Variants in GFRA1 observed in about 807,000 individuals in gnomAD.
GFRA1 encodes GDNF family receptor alpha 1.
A neutral mutation model predicts 51.6 loss-of-function variants in GFRA1; 16 were observed. The ratio of observed to expected loss-of-function variants is 0.31; its 90% CI spans 0.21 to 0.47. The LOEUF (loss-of-function observed/expected upper bound fraction) is 0.47, where lower values mean the gene tolerates loss of function less well. Among genes scored for constraint, GFRA1 ranks in the 20% least tolerant of loss-of-function variants. The pLI is 1.00. For synonymous variants in GFRA1, 270 were observed against 241.3 expected (o/e 1.12, Z -1.10); for missense variants, 530 against 594.3 (o/e 0.89, Z 1.13).
At chr10:116,255,585 T>G in intron 4 of GFRA1, 1 of 1,288,706 alleles carries the variant, frequency 7.8e-7, no homozygotes, top group Non-Finnish European at 1.0e-6. Context: ...TAATTTTCTC[T>G]GCTGGCTGGG....
intron 4 of GFRA1, among the ~76,000 whole-genome samples, chr10:116,266,499 C>A (rs1214215269): frequency 6.6e-6 from 1 of 152,202 alleles, no homozygotes; most frequent in Non-Finnish European, 1.5e-5. Flanking sequence ...GCTTTACTAT[C>A]CCACTTAAGG....
chr10:116,147,024 T>TTGTGTG (rs55916204), intron 5 of GFRA1, among the ~76,000 whole-genome samples: 1 of 150,300 alleles, frequency 6.7e-6, no homozygotes, highest in African/African-American at 2.4e-5. Context: ...ATTTATTTAT[T>TTGTGTG]TGTGTGTGTG....
chr10:116,205,529 C>T (rs1043833628), intron 5 of GFRA1, among the ~76,000 whole-genome samples: 2 of 150,550 alleles, frequency 1.3e-5, no homozygotes, highest in African/African-American at 2.4e-5. Flanking sequence ...GAGCTGAGAA[C>T]GCACCACTGC....
rs999188804 is a variant in GFRA1 at position 116,270,943 on chromosome 10, C to T, written c.213G>A (p.Glu71=). 2.5e-6 allele frequency: 4 copies of T among 1,614,212 alleles called. No individual in the cohort carries two copies. The highest frequency in any genetic ancestry group is 3.4e-6 in the Non-Finnish European group (4 of 1,180,044). The change falls in exon 3 of 11, where the codon GAG becomes GAA. Residue 71 remains glutamate (E), a synonymous_variant. Transcript: ENST00000355422. ...TCAGGGCCTCCATGGCGCTGCGGCACTCATCCTTGGCCTCCAGGCCGGATG... is the reference window on the plus strand; with the variant it reads ...TCAGGGCCTCCATGGCGCTGCGGCATTCATCCTTGGCCTCCAGGCCGGATG... The part of the protein sequence containing the change: ...SLASGLEAKD[E]CRSAMEALKQ...
At chr10:116,112,109 T>A (rs1301465621) in intron 6 of GFRA1, among the ~76,000 whole-genome samples, 1 of 152,252 alleles carries the variant, frequency 6.6e-6, no homozygotes, top group African/African-American at 2.4e-5. Context: ...TAGCTAAACA[T>A]GTTTGAGCTT....
chr10:116,149,516 TC>T (rs533180135), intron 5 of GFRA1, among the ~76,000 whole-genome samples: 241 of 152,120 alleles, frequency 1.6e-3, no homozygotes, highest in African/African-American at 5.6e-3. Flanking sequence ...GAAGATACAT[TC>T]CCCCCTGTAG....
chr10:116,159,709 G>T (rs1959548287), intron 5 of GFRA1, among the ~76,000 whole-genome samples: 1 of 152,158 alleles, frequency 6.6e-6, no homozygotes, highest in South Asian at 2.1e-4. Flanking sequence ...AAGTGAAGTG[G>T]GAGACTGCGG....
intron 4 of GFRA1, among the ~76,000 whole-genome samples, chr10:116,228,483 C>G (rs1966460861): frequency 6.6e-6 from 1 of 152,162 alleles, no homozygotes; most frequent in Non-Finnish European, 1.5e-5. Flanking sequence ...GGTTACTTTA[C>G]ATGGCAAATG....
chr10:116,075,186 A>G lies in GFRA1; in HGVS notation c.1198-9560T>C, dbSNP rs180922832. 2.5e-3 allele frequency among the ~76,000 whole-genome samples: 385 copies of G among 152,218 alleles called. 2 individuals carry two copies. The highest frequency in any genetic ancestry group is 3.6e-3 in the Non-Finnish European group (243 of 68,004). On this transcript the variant is annotated intron_variant, in intron 9 of 10. Coordinates refer to ENST00000355422, the MANE Select transcript of GFRA1 (RefSeq NM_005264.8). The stretch of plus-strand genomic sequence containing the variant: ...ACCTTATCTTCCCATCCTCTCTCTA[A>G]GTCTTTCTCATTTTTTGAGAATAGT...
chr10:116,148,853 G>T (rs1212018355), intron 5 of GFRA1, among the ~76,000 whole-genome samples: 2 of 152,162 alleles, frequency 1.3e-5, no homozygotes, highest in African/African-American at 2.4e-5. Flanking sequence ...CTAAAAATGG[G>T]ACAAGTGAGA....
chr10:116,070,577 T>A (rs1019226593), intron 9 of GFRA1, among the ~76,000 whole-genome samples: 1 of 152,214 alleles, frequency 6.6e-6, no homozygotes, highest in Non-Finnish European at 1.5e-5. Flanking sequence ...TCACACTGTA[T>A]TTTAATAGAT....
At position 116,075,216 on chromosome 10, in the gene GFRA1, TA is replaced by T. The variant is rs892625219; in HGVS notation, c.1198-9591del. 4.0e-3 allele frequency among the ~76,000 whole-genome samples: 601 copies of T among 149,404 alleles called. 6 individuals carry two copies. The highest frequency in any genetic ancestry group is 0.014 in the African/African-American group (552 of 40,788). ...TTCTCATTTTTTGAGAATAGTGGTT[TA>T]AAAAAAAAAGTGCTTAGGAGAAGAC... On this transcript the variant is annotated intron_variant, in intron 9 of 10. Coordinates refer to ENST00000355422, the MANE Select transcript of GFRA1 (RefSeq NM_005264.8).
intron 9 of GFRA1, among the ~76,000 whole-genome samples, chr10:116,073,422 C>A (rs573387560): frequency 3.5e-4 from 54 of 152,178 alleles, no homozygotes; most frequent in Non-Finnish European, 7.1e-4. Flanking sequence ...TCATGGTTAA[C>A]TTGCTTGATT....
At chr10:116,215,504 G>A (rs1299654690) in intron 4 of GFRA1, among the ~76,000 whole-genome samples, 1 of 152,180 alleles carries the variant, frequency 6.6e-6, no homozygotes, top group African/African-American at 2.4e-5. Context: ...GACCTGCTGA[G>A]CTTGAATTTC....
intron 5 of GFRA1, among the ~76,000 whole-genome samples, chr10:116,149,451 G>T (rs2134130699): frequency 6.6e-6 from 1 of 152,304 alleles, no homozygotes; most frequent in Non-Finnish European, 1.5e-5. Flanking sequence ...GGAACACATA[G>T]CTGAAGGGGT....
chr10:116,223,105 G>C (rs890199776), intron 4 of GFRA1, among the ~76,000 whole-genome samples: 1 of 152,052 alleles, frequency 6.6e-6, no homozygotes, highest in Non-Finnish European at 1.5e-5. Flanking sequence ...TACTTGCCTG[G>C]ATTCTAAAAC....
intron 5 of GFRA1, among the ~76,000 whole-genome samples, chr10:116,157,292 A>T (rs1445674458): frequency 6.6e-6 from 1 of 152,190 alleles, no homozygotes; most frequent in East Asian, 1.9e-4. Flanking sequence ...AATTTTAATG[A>T]CTTCTTTTAA....
chr10:116,222,347 C>T (rs7899402), intron 4 of GFRA1, among the ~76,000 whole-genome samples: 135 of 152,136 alleles, frequency 8.9e-4, no homozygotes, highest in African/African-American at 2.9e-3. Flanking sequence ...TACAGGTGCC[C>T]GCCACCACAC....
chr10:116,105,261 G>T lies in GFRA1; in HGVS notation c.771-8497C>A, dbSNP rs551172298. On this transcript the variant is annotated intron_variant, in intron 6 of 10. Coordinates refer to ENST00000355422, the MANE Select transcript of GFRA1 (RefSeq NM_005264.8). Reference sequence around the variant, plus strand: ...TATCCAATAAGTCTTTTATATTTCTGCAGGCAAACTTTAGAAATCAGTTTT... The same window carrying T: ...TATCCAATAAGTCTTTTATATTTCTTCAGGCAAACTTTAGAAATCAGTTTT... Among the ~76,000 whole-genome samples, 185 of 152,276 alleles carry T rather than the reference G, an allele frequency of 1.2e-3. 1 individual carries two copies. Among genetic ancestry groups the T allele is most frequent in the African/African-American group, 4.2e-3 (176 of 41,554 alleles).
Sources: allele counts gnomAD v4.1 joint callset (sites outside exome capture counted in the v4.1 genomes callset), GRCh38; gene constraint gnomAD v4.1.1; transcripts MANE v1.5; gene names NCBI Gene and HGNC (gene_info 2026-07-23, HGNC 2026-07-21).